FAM135B: variants seen among roughly 807,000 people sequenced by gnomAD.
FAM135B encodes protein FAM135B.
Under a neutral mutation model 127.7 loss-of-function variants are expected in FAM135B, and 43 were observed. The observed-to-expected ratio is 0.34, with a 90% confidence interval of 0.26 to 0.43. FAM135B has a LOEUF of 0.43. FAM135B is among the 20% of genes least tolerant of loss of function. The pLI, the probability that FAM135B is intolerant of heterozygous loss-of-function variation, is 1.00. For missense variants in FAM135B, 1,558 were observed against 1,725.6 expected (o/e 0.90, Z 1.72); for synonymous variants, 670 against 665.1 (o/e 1.01, Z -0.11).
At chr8:138,182,553 G>T (rs866305125) in intron 9 of FAM135B, among the ~76,000 whole-genome samples, 2 of 152,304 alleles carry the variant, frequency 1.3e-5, no homozygotes, top group Middle Eastern at 3.4e-3. Context: ...GCTCTGGGGA[G>T]CCAAACATAA....
At chr8:138,323,428 C>G (rs1199143828) in intron 2 of FAM135B, among the ~76,000 whole-genome samples, 1 of 152,180 alleles carries the variant, frequency 6.6e-6, no homozygotes, top group Non-Finnish European at 1.5e-5. Context: ...GTAAAGCAGA[C>G]AGGAAATGAC....
intron 7 of FAM135B, among the ~76,000 whole-genome samples, chr8:138,203,483 C>T (rs539418671): frequency 2.0e-4 from 30 of 152,276 alleles, no homozygotes; most frequent in East Asian, 1.9e-4. Context: ...CTATTGCTTA[C>T]GTGAATTATT....
At chr8:138,348,829 ACTT>A (rs1270187324) in intron 2 of FAM135B, among the ~76,000 whole-genome samples, 1 of 152,264 alleles carries the variant, frequency 6.6e-6, no homozygotes, top group Non-Finnish European at 1.5e-5. Context: ...TCATTTAATT[ACTT>A]CTTTTAGGAC....
At chr8:138,276,424 A>C (rs747273386) in intron 3 of FAM135B, among the ~76,000 whole-genome samples, 3 of 152,116 alleles carry the variant, frequency 2.0e-5, no homozygotes, top group Non-Finnish European at 2.9e-5. Flanking sequence ...TATAGGGCGG[A>C]GTTGCGACTA....
intron 6 of FAM135B, among the ~76,000 whole-genome samples, chr8:138,247,032 G>C (rs576669353): frequency 6.6e-6 from 1 of 152,180 alleles, no homozygotes; most frequent in African/African-American, 2.4e-5. Context: ...CTCCCACTTG[G>C]AACAGCTGTA....
chr8:138,309,889 C>A, intron 3 of FAM135B, among the ~76,000 whole-genome samples: 1 of 128,488 alleles, frequency 7.8e-6, no homozygotes, highest in Admixed American at 1.0e-4. Context: ...TTTTGGAGCT[C>A]CACTCTGTCA....
At chr8:138,260,382 G>A (rs1304240590) in intron 4 of FAM135B, among the ~76,000 whole-genome samples, 2 of 152,086 alleles carry the variant, frequency 1.3e-5, no homozygotes, top group African/African-American at 2.4e-5. Flanking sequence ...TTCATCCATC[G>A]CCGAATCACG....
intron 1 of FAM135B, among the ~76,000 whole-genome samples, chr8:138,461,348 T>A (rs985937883): frequency 6.6e-6 from 1 of 152,148 alleles, no homozygotes; most frequent in Non-Finnish European, 1.5e-5. Flanking sequence ...AAGCCAGATG[T>A]CAGCAAAGGT....
chr8:138,168,148 C>T lies in FAM135B; in HGVS notation c.1104-99G>A, dbSNP rs905754670. 5 of 1,327,466 alleles carry T rather than the reference C, an allele frequency of 3.8e-6. No homozygotes were observed. The South Asian group carries it at 6.0e-5, about 16-fold the overall frequency. The allele number at this position is 1,327,466 out of a possible 1,614,324, so 82.2% of individuals were successfully genotyped here. A position where few individuals can be genotyped will look rare whatever the true frequency, so the allele number is the denominator to read the frequency against. On this transcript the variant is annotated intron_variant, in intron 11 of 19. Transcript: ENST00000395297. Reference sequence around the variant, plus strand: ...TCCCGGGAAAATACTCGGTTCTCAGCTGACTCTGGCAATTGTCTGCCCATC... The same window carrying T: ...TCCCGGGAAAATACTCGGTTCTCAGTTGACTCTGGCAATTGTCTGCCCATC...
chr8:138,240,486 G>A (rs771629582), intron 7 of FAM135B, among the ~76,000 whole-genome samples: 1 of 152,160 alleles, frequency 6.6e-6, no homozygotes, highest in Non-Finnish European at 1.5e-5. Context: ...TGGTCTGTGT[G>A]GCCTCAGTGT....
chr8:138,374,107 G>A (rs1831315977), intron 1 of FAM135B, among the ~76,000 whole-genome samples: 1 of 152,054 alleles, frequency 6.6e-6, no homozygotes, highest in East Asian at 1.9e-4. Context: ...TTTGCGTCTT[G>A]CAGGGCATCA....
chr8:138,465,928 T>G (rs1040868964), intron 1 of FAM135B, among the ~76,000 whole-genome samples: 17 of 152,154 alleles, frequency 1.1e-4, no homozygotes, highest in African/African-American at 4.1e-4. Context: ...TACAGGCATG[T>G]GCCTTCACAC....
At chr8:138,309,041 T>A (rs747733896) in intron 3 of FAM135B, 14 of 447,660 alleles carry the variant, frequency 3.1e-5, no homozygotes, top group African/African-American at 6.1e-5. Flanking sequence ...CTCTGTGAAA[T>A]AGAAAGTGTC....
chr8:138,442,261 T>TATATATATATATATAC, intron 1 of FAM135B, among the ~76,000 whole-genome samples: 1 of 127,724 alleles, frequency 7.8e-6, no homozygotes, highest in Non-Finnish European at 1.7e-5. Flanking sequence ...TATATATATA[T>TATATATATATATATAC]ATATATATAT....
chr8:138,144,742 G>A (rs1817516600), intron 15 of FAM135B, among the ~76,000 whole-genome samples: 1 of 152,162 alleles, frequency 6.6e-6, no homozygotes, highest in African/African-American at 2.4e-5. Flanking sequence ...CTGCAATTAA[G>A]TGAATTGTGT....
chr8:138,335,181 G>C (rs989321619), intron 2 of FAM135B, among the ~76,000 whole-genome samples: 4 of 152,126 alleles, frequency 2.6e-5, no homozygotes, highest in African/African-American at 9.7e-5. Context: ...CTACAGGGCA[G>C]GATTCTGAAA....
intron 1 of FAM135B, among the ~76,000 whole-genome samples, chr8:138,454,409 G>T (rs958310902): frequency 1.2e-4 from 19 of 152,176 alleles, no homozygotes; most frequent in Admixed American, 1.2e-3. Context: ...TATAGTCTTA[G>T]TGCGGCTGGC....
intron 2 of FAM135B, among the ~76,000 whole-genome samples, chr8:138,332,983 G>A (rs979213438): frequency 1.2e-4 from 17 of 145,396 alleles, no homozygotes; most frequent in South Asian, 4.4e-4. Flanking sequence ...TTTGGAAAGC[G>A]CACACACACA....
intron 7 of FAM135B, among the ~76,000 whole-genome samples, chr8:138,198,936 C>T (rs1460993070): frequency 1.3e-5 from 2 of 152,120 alleles, no homozygotes; most frequent in African/African-American, 2.4e-5. Context: ...ATGGCCGTGA[C>T]GGGAGGAGGC....
Sources: allele counts gnomAD v4.1 joint callset (sites outside exome capture counted in the v4.1 genomes callset), GRCh38; gene constraint gnomAD v4.1.1; transcripts MANE v1.5; gene names NCBI Gene and HGNC (gene_info 2026-07-23, HGNC 2026-07-21).